The following ZNF93 variants were observed in gnomAD, a reference collection of about 807,000 sequenced individuals.
ZNF93 encodes the protein zinc finger protein 93.
Under a neutral mutation model 45.0 loss-of-function variants are expected in ZNF93, and 29 were observed. That is an observed-to-expected ratio of 0.64 (90% CI 0.48 to 0.88). The LOEUF (loss-of-function observed/expected upper bound fraction) is 0.88, where lower values mean the gene tolerates loss of function less well. Among genes scored for constraint, ZNF93 ranks in the 40% least tolerant of loss-of-function variants. The pLI is 0.00. For synonymous variants in ZNF93, 223 were observed against 244.6 expected (o/e 0.91, Z 0.82); for missense variants, 578 against 724.0 (o/e 0.80, Z 2.31).
chr19:19,926,508 G>C (rs1161351352), intron 3 of ZNF93, among the ~76,000 whole-genome samples: 1 of 147,664 alleles, frequency 6.8e-6, no homozygotes, highest in Non-Finnish European at 1.5e-5. Flanking sequence ...TTCCGAGACA[G>C]AGTCTCACTC....
intron 3 of ZNF93, among the ~76,000 whole-genome samples, chr19:19,924,845 C>A (rs962267373): frequency 3.3e-5 from 5 of 152,200 alleles, no homozygotes; most frequent in African/African-American, 1.2e-4. Context: ...CCTGCCTCAG[C>A]CTCCCAAAGT....
chr19:19,933,552 A>C lies in ZNF93; in HGVS notation c.597A>C (p.Lys199Asn). The change falls in exon 4 of 4, where the codon AAA becomes AAC. Residue 199 changes from lysine (K) to asparagine (N), a missense_variant. This residue lies in a region of ZNF93 where 446 missense variants were observed against 547.6 expected (regional missense o/e 0.81). Coordinates refer to ENST00000343769, the MANE Select transcript of ZNF93 (RefSeq NM_031218.4). ...ATAAGAAAATTCATACTGGAGAGAA[A>C]CCCTACATTTGTGAAGAATGTGGCA... Reference protein sequence around the residue: ...ITHKKIHTGEKPYICEECGKA... With the variant: ...ITHKKIHTGENPYICEECGKA... The C allele has an allele frequency of 6.2e-7, 1 of 1,607,630 alleles. No homozygotes were observed. The highest frequency in any genetic ancestry group is 1.1e-5 in the South Asian group (1 of 89,978).
At chr19:19,922,267 T>C (rs543270114) in intron 3 of ZNF93, among the ~76,000 whole-genome samples, 2 of 152,330 alleles carry the variant, frequency 1.3e-5, no homozygotes, top group South Asian at 4.1e-4. Flanking sequence ...TGTTGAATAT[T>C]GGCCCCCACT....
At chr19:19,904,684 C>A (rs2063287274) in intron 1 of ZNF93, among the ~76,000 whole-genome samples, 1 of 152,090 alleles carries the variant, frequency 6.6e-6, no homozygotes. Context: ...GGAGCCCTAG[C>A]CTGGAATAAA....
chr19:19,907,564 T>G (rs1357376524), intron 1 of ZNF93, among the ~76,000 whole-genome samples: 1 of 137,330 alleles, frequency 7.3e-6, no homozygotes, highest in Non-Finnish European at 1.5e-5. Context: ...TTTTTTTTTT[T>G]GAGACAGAGT....
intron 1 of ZNF93, among the ~76,000 whole-genome samples, chr19:19,906,382 T>G (rs997380382): frequency 6.6e-6 from 1 of 152,190 alleles, no homozygotes; most frequent in Non-Finnish European, 1.5e-5. Flanking sequence ...TTAATGAGGT[T>G]GTTTGGTTAT....
At chr19:19,913,082 TC>T (rs1279516249) in intron 1 of ZNF93, among the ~76,000 whole-genome samples, 2 of 152,130 alleles carry the variant, frequency 1.3e-5, no homozygotes, top group African/African-American at 4.8e-5. Context: ...CCTGTGCTGT[TC>T]CTGCTTTCTC....
At chr19:19,914,955 T>C in intron 1 of ZNF93, 1 of 342,612 alleles carries the variant, frequency 2.9e-6, no homozygotes, top group Non-Finnish European at 5.6e-6. Flanking sequence ...ACATGTCTTT[T>C]CCATATGAAA....
chr19:19,913,160 C>T (rs1048891299), intron 1 of ZNF93, among the ~76,000 whole-genome samples: 11 of 152,210 alleles, frequency 7.2e-5, no homozygotes, highest in Non-Finnish European at 1.3e-4. Context: ...GTTTAAAACA[C>T]TCATTCATAA....
rs139816342 is a variant in ZNF93 at position 19,923,204 on chromosome 19, G to A, written c.226+6549G>A. On this transcript the variant is annotated intron_variant, in intron 3 of 3. Coordinates refer to ENST00000343769, the MANE Select transcript of ZNF93 (RefSeq NM_031218.4). Reference sequence around the variant, plus strand: ...TGGAGTTTGCTGGAGGTCCACTCCAGACCCTGTTTGCCTGGGTATCAGCAG... The same window carrying A: ...TGGAGTTTGCTGGAGGTCCACTCCAAACCCTGTTTGCCTGGGTATCAGCAG... 2.7e-3 allele frequency among the ~76,000 whole-genome samples: 408 copies of A among 152,318 alleles called. 2 individuals carry two copies. The highest frequency in any genetic ancestry group is 9.5e-3 in the African/African-American group (396 of 41,570).
chr19:19,902,948 C>T (rs1440588939), intron 1 of ZNF93, among the ~76,000 whole-genome samples: 1 of 151,386 alleles, frequency 6.6e-6, no homozygotes, highest in Non-Finnish European at 1.5e-5. Context: ...ACCGTGTGAG[C>T]CAGGATGGTC....
intron 1 of ZNF93, among the ~76,000 whole-genome samples, chr19:19,901,784 C>T (rs767573773): frequency 3.9e-5 from 6 of 152,006 alleles, no homozygotes; most frequent in Non-Finnish European, 7.4e-5. Flanking sequence ...AAAACCGGAA[C>T]TGCGTTAGGG....
rs1197422261 is a variant in ZNF93 at position 19,934,772 on chromosome 19, C to G, written c.1817C>G (p.Ser606Ter). 6.2e-7 allele frequency: 1 copy of G among 1,605,798 alleles called. No individual in the cohort carries two copies. Among genetic ancestry groups the G allele is most frequent in the East Asian group, 2.2e-5 (1 of 44,876 alleles). ...DKCGKAFISP[S>*]SLSRHEIIHT... ...TGTGGCAAAGCCTTTATTTCACCCT[C>G]AAGCCTTAGTAGACATGAGATAATT... Residue 606 changes from serine to a stop codon, truncating the protein, a stop_gained, in exon 4 of 4, where the codon TCA becomes TGA. Coordinates refer to ENST00000343769, the MANE Select transcript of ZNF93 (RefSeq NM_031218.4). LOFTEE classifies it high-confidence loss of function.
Position 19,933,124 on chromosome 19 carries a change from A to G in ZNF93, c.227-58A>G, listed in dbSNP as rs113872325. Reference sequence around the variant, plus strand: ...GTATAATTTTATAGGTTAGATTTGTAAAGTATATTTATCTGAGTCTAGCAA... The same window carrying G: ...GTATAATTTTATAGGTTAGATTTGTGAAGTATATTTATCTGAGTCTAGCAA... On this transcript the variant is annotated intron_variant, in intron 3 of 3. Coordinates refer to ENST00000343769, the MANE Select transcript of ZNF93 (RefSeq NM_031218.4). 5.9e-4 allele frequency: 773 copies of G among 1,313,264 alleles called. 6 individuals carry two copies. The African/African-American group carries it at 0.01, about 17-fold the overall frequency. 81.4% of individuals were successfully genotyped at this position (1,313,264 alleles called of 1,614,324 possible).
intron 1 of ZNF93, among the ~76,000 whole-genome samples, chr19:19,914,002 A>G: frequency 1.3e-5 from 2 of 149,258 alleles, no homozygotes; most frequent in Admixed American, 1.3e-4. Context: ...AGGATCTTTG[A>G]AAAATATTTC....
In ZNF93 at chr19:19,916,355, C is replaced by A. The variant is rs1373079168; in HGVS notation, c.131-205C>A. On this transcript the variant is annotated intron_variant, in intron 2 of 3. Coordinates refer to ENST00000343769, the MANE Select transcript of ZNF93 (RefSeq NM_031218.4). Reference sequence around the variant, plus strand: ...TCTCATGATCCACCTGCTTTGGCCTCCCAAATTGCTGGGATCACAGGCGTG... The same window carrying A: ...TCTCATGATCCACCTGCTTTGGCCTACCAAATTGCTGGGATCACAGGCGTG... Among the ~76,000 whole-genome samples, 19 of 152,250 alleles carry A rather than the reference C, an allele frequency of 1.2e-4. No homozygotes were observed. The East Asian group carries it at 1.9e-3, about 15-fold the overall frequency.
chr19:19,920,489 T>G (rs2063339981), intron 3 of ZNF93, among the ~76,000 whole-genome samples: 1 of 152,210 alleles, frequency 6.6e-6, no homozygotes, highest in Admixed American at 6.5e-5. Flanking sequence ...GATTCCCTCT[T>G]TTTCTATTGA....
chr19:19,912,321 A>T (rs1568507956), intron 1 of ZNF93, among the ~76,000 whole-genome samples: 1 of 152,176 alleles, frequency 6.6e-6, no homozygotes, highest in Non-Finnish European at 1.5e-5. Context: ...ACGTGTTCAG[A>T]TTCATCCTTT....
At chr19:19,916,427 ATTTCTGTTATAAATTTG>A in intron 2 of ZNF93, 116 bp from the exon 3 acceptor site, 1 of 724,510 alleles carries the variant, frequency 1.4e-6, no homozygotes, top group Non-Finnish European at 2.2e-6. Context: ...ATATCTATAA[ATTTCTGTTATAAATTTG>A]TATTTTGGTA....
Sources: gnomAD v4.1 joint callset for allele counts (sites outside exome capture counted in the v4.1 genomes callset) on GRCh38, gnomAD v4.1.1 for gene constraint, gnomAD v4.1.1 regional missense constraint, MANE v1.5 for transcripts, NCBI Gene and HGNC (gene_info 2026-07-23, HGNC 2026-07-21) for gene names.